MBD5: variants seen among roughly 807,000 people sequenced by gnomAD.
MBD5 encodes methyl-CpG binding domain protein 5.
A neutral mutation model predicts 117.3 loss-of-function variants in MBD5; 13 were observed. That is an observed-to-expected ratio of 0.11 (90% CI 0.07 to 0.18). MBD5 has a LOEUF of 0.18. MBD5 is among the 10% of genes least tolerant of loss of function. The probability of loss-of-function intolerance (pLI) is 1.00; values close to 1 mark genes in which losing one functional copy is unlikely to be tolerated. For synonymous variants in MBD5, 727 were observed against 766.4 expected (o/e 0.95, Z 0.85); for missense variants, 1,879 against 2,093.8 (o/e 0.90, Z 2.00).
At chr2:148,033,215 A>C (rs1187538478) in intron 1 of MBD5, among the ~76,000 whole-genome samples, 1 of 152,206 alleles carries the variant, frequency 6.6e-6, no homozygotes, top group East Asian at 1.9e-4. Flanking sequence ...ACATTTAAAA[A>C]ATTATATACT....
rs748895110 is a variant in MBD5, at chr2:148,069,438, TTAA to T, written c.-925+47756_-925+47758del. ...TATTGTTGGCATTCATAGTTTTTTT[TTAA>T]TGATAGGAATCTCTCTTCAACAGCT... is the stretch of plus-strand genomic sequence containing the variant. On this transcript the variant is annotated intron_variant, in intron 1 of 13. Transcript: ENST00000642680. Among the ~76,000 whole-genome samples, 8 of 152,294 alleles carry T rather than the reference TTAA, an allele frequency of 5.3e-5. No homozygotes were observed. In the South Asian group the frequency reaches 1.0e-3, roughly 20 times the overall value.
intron 1 of MBD5, among the ~76,000 whole-genome samples, chr2:148,029,823 A>C (rs922341361): frequency 1.3e-5 from 2 of 152,182 alleles, no homozygotes; most frequent in Non-Finnish European, 2.9e-5. Flanking sequence ...TTATGTATGT[A>C]CATGTAATTT....
intron 4 of MBD5, among the ~76,000 whole-genome samples, chr2:148,418,370 G>A (rs564392256): frequency 6.6e-6 from 1 of 151,876 alleles, no homozygotes; most frequent in Non-Finnish European, 1.5e-5. Context: ...TTTTGCCAGA[G>A]AAATCAAGAA....
intron 1 of MBD5, among the ~76,000 whole-genome samples, chr2:148,074,020 T>A (rs1200741600): frequency 6.6e-6 from 1 of 152,208 alleles, no homozygotes; most frequent in Non-Finnish European, 1.5e-5. Flanking sequence ...TTTAAGATTT[T>A]TTTTATCAGT....
At chr2:148,211,929 T>G (rs1034386364) in intron 2 of MBD5, among the ~76,000 whole-genome samples, 18 of 152,012 alleles carry the variant, frequency 1.2e-4, no homozygotes, top group African/African-American at 4.1e-4. Flanking sequence ...CTGTATTTTT[T>G]GTAGAGACAG....
intron 4 of MBD5, among the ~76,000 whole-genome samples, chr2:148,388,105 T>C (rs1201177349): frequency 1.3e-5 from 2 of 152,184 alleles, no homozygotes; most frequent in Non-Finnish European, 2.9e-5. Context: ...AAGTGTGTTA[T>C]TGGTGGAGAA....
At chr2:148,498,306 C>T (rs908618966) in intron 11 of MBD5, among the ~76,000 whole-genome samples, 3 of 152,172 alleles carry the variant, frequency 2.0e-5, no homozygotes, top group Non-Finnish European at 4.4e-5. Context: ...ACATCATCTC[C>T]GGTTAACCAG....
At chr2:148,354,073 T>C (rs1703311765) in intron 4 of MBD5, among the ~76,000 whole-genome samples, 1 of 152,276 alleles carries the variant, frequency 6.6e-6, no homozygotes, top group East Asian at 1.9e-4. Context: ...ATTTCTAAAA[T>C]TAATGCCAGT....
chr2:148,111,250 C>G (rs1428349620), intron 1 of MBD5, among the ~76,000 whole-genome samples: 1 of 152,140 alleles, frequency 6.6e-6, no homozygotes, highest in African/African-American at 2.4e-5. Flanking sequence ...TAAAGCACAG[C>G]CTGATATCCT....
At chr2:148,407,532 T>A (rs2105145835) in intron 4 of MBD5, among the ~76,000 whole-genome samples, 1 of 152,308 alleles carries the variant, frequency 6.6e-6, no homozygotes, top group Middle Eastern at 3.4e-3. Context: ...CATGGGATTT[T>A]ATCACTTTGT....
intron 4 of MBD5, among the ~76,000 whole-genome samples, chr2:148,351,102 C>T (rs766346137): frequency 1.3e-5 from 2 of 151,988 alleles, no homozygotes; most frequent in Non-Finnish European, 2.9e-5. Context: ...CATATAATAA[C>T]ACATGAAATT....
At chr2:148,253,224 G>T (rs1208262298) in intron 3 of MBD5, among the ~76,000 whole-genome samples, 2 of 152,222 alleles carry the variant, frequency 1.3e-5, no homozygotes, top group Non-Finnish European at 2.9e-5. Flanking sequence ...AATTGATAAA[G>T]AATTGAAATA....
Position 148,280,166 on chromosome 2 carries a change from GA to G in MBD5, c.-680+46779del, listed in dbSNP as rs199684907. On this transcript the variant is annotated intron_variant, in intron 3 of 13. Transcript: ENST00000642680. ...AAAAAAAAAACAAAAAGAAAAAACA[GA>G]AAAAAAATTAACCATAAATTTTAAT... Among the ~76,000 whole-genome samples, 760 of 98,520 alleles carry G rather than the reference GA, an allele frequency of 7.7e-3. 7 individuals carry two copies. The highest frequency in any genetic ancestry group is 0.026 in the African/African-American group (737 of 27,924). The allele number at this position is 98,520 out of a possible 152,430, so 64.6% of individuals were successfully genotyped here. A position where few individuals can be genotyped will look rare whatever the true frequency, so the allele number is the denominator to read the frequency against.
intron 1 of MBD5, among the ~76,000 whole-genome samples, chr2:148,104,580 T>C (rs1014820819): frequency 1.3e-5 from 2 of 152,316 alleles, no homozygotes; most frequent in African/African-American, 4.8e-5. Context: ...GTTTAAAAAA[T>C]GAGTGTTTAA....
intron 4 of MBD5, among the ~76,000 whole-genome samples, chr2:148,417,288 C>CTTTTTTTTTTTTTT (rs745409695): frequency 3.5e-4 from 32 of 91,804 alleles, no homozygotes; most frequent in African/African-American, 7.1e-4. Context: ...ATGCACAGCT[C>CTTTTTTTTTTTTTT]TTTTTTTTTT....
chr2:148,237,889 T>C (rs1342347324), intron 3 of MBD5, among the ~76,000 whole-genome samples: 1 of 152,152 alleles, frequency 6.6e-6, no homozygotes, highest in Non-Finnish European at 1.5e-5. Flanking sequence ...TGTGTGACCA[T>C]GGGCAAATTG....
chr2:148,375,269 A>G (rs1306054488), intron 4 of MBD5, among the ~76,000 whole-genome samples: 1 of 152,340 alleles, frequency 6.6e-6, no homozygotes, highest in Non-Finnish European at 1.5e-5. Flanking sequence ...TGCAAACCAC[A>G]TAATCCTCAC....
intron 3 of MBD5, among the ~76,000 whole-genome samples, chr2:148,315,553 T>C (rs12463445): frequency 0.028 from 4,279 of 152,306 alleles, 98 homozygotes; most frequent in African/African-American, 0.06. Context: ...ATATTTCTAC[T>C]TGAAGAGCCC....
intron 1 of MBD5, among the ~76,000 whole-genome samples, chr2:148,122,656 G>T (rs1200945764): frequency 6.6e-6 from 1 of 152,074 alleles, no homozygotes; most frequent in Non-Finnish European, 1.5e-5. Flanking sequence ...TTTTCCTCGA[G>T]GTGGCTTGAC....
Sources: allele counts gnomAD v4.1 joint callset (sites outside exome capture counted in the v4.1 genomes callset), GRCh38; gene constraint gnomAD v4.1.1; transcripts MANE v1.5; gene names NCBI Gene and HGNC (gene_info 2026-07-23, HGNC 2026-07-21).